The following SCNN1D variants were observed in gnomAD, a reference collection of about 807,000 sequenced individuals.
SCNN1D encodes the protein epithelial sodium channel subunit delta.
In SCNN1D, 104 loss-of-function variants were observed where a neutral mutation model predicts 87.8. That is an observed-to-expected ratio of 1.18 (90% CI 1.01 to 1.39). The LOEUF (loss-of-function observed/expected upper bound fraction) is 1.39. Ranked by LOEUF, SCNN1D falls within the 40% of genes most tolerant of loss-of-function variation. The pLI, the probability that SCNN1D is intolerant of heterozygous loss-of-function variation, is 0.00. For synonymous variants in SCNN1D, 628 were observed against 481.2 expected, an observed-to-expected ratio of 1.31 and a Z score of -3.99; for missense variants, 1,324 against 1,093.9, an observed-to-expected ratio of 1.21 and a Z score of -2.97.
intron 6 of SCNN1D, 28 bp downstream of exon 6, chr1:1,285,692 G>A: frequency 6.7e-7 from 1 of 1,486,604 alleles, no homozygotes; most frequent in Non-Finnish European, 9.0e-7. Context: ...TGTTCTCTGA[G>A]TCCTGCTGCC....
intron 4 of SCNN1D, among the ~76,000 whole-genome samples, chr1:1,283,555 T>A (rs974180520): frequency 6.6e-6 from 1 of 152,056 alleles, no homozygotes; most frequent in African/African-American, 2.4e-5. Context: ...AAAATTAGCC[T>A]GGGATGGTGG....
At position 1,291,549 on chromosome 1, in the gene SCNN1D, C is replaced by A. The variant is rs149303666; in HGVS notation, c.2348C>A (p.Ala783Glu). Residue 783 changes from alanine (A) to glutamate (E), a missense_variant, in exon 18 of 18, where the codon GCG becomes GAG. Coordinates refer to ENST00000379116, the MANE Select transcript of SCNN1D (RefSeq NM_001130413.4). The stretch of plus-strand genomic sequence containing the variant: ...CGGGTGATGCTTCCAGGGGTTCTGG[C>A]GGGAGTCTCAGCCGAAGAGAGCTGG... ...LPRVMLPGVL[A>E]GVSAEESWAG... 41 of 1,592,882 alleles carry A rather than the reference C, an allele frequency of 2.6e-5. No homozygotes were observed. In the South Asian group the frequency reaches 4.4e-4, roughly 17 times the overall value.
At position 1,280,548 on chromosome 1, in the gene SCNN1D, A is replaced by C. The variant is rs1007474978; in HGVS notation, c.-114A>C. 10 of 660,826 alleles carry C rather than the reference A, an allele frequency of 1.5e-5. No individual in the cohort carries two copies. The highest frequency in any genetic ancestry group is 2.5e-5 in the Non-Finnish European group (9 of 355,336). The allele number at this position is 660,826 out of a possible 1,614,324, so 40.9% of individuals were successfully genotyped here. A position where few individuals can be genotyped will look rare whatever the true frequency, so the allele number is the denominator to read the frequency against. ...GTTGTGCAGATGAAGGTCTTATCGC[A>C]GATGAAGCCACCAGGTCACAAGCCT... is the stretch of plus-strand genomic sequence containing the variant. On this transcript the variant is annotated 5_prime_UTR_variant, in exon 1 of 18. Coordinates refer to ENST00000379116, the MANE Select transcript of SCNN1D (RefSeq NM_001130413.4).
At chr1:1,291,011 C>T in intron 16 of SCNN1D, 54 bp from the exon 17 acceptor site, 2 of 1,597,064 alleles carry the variant, frequency 1.3e-6, no homozygotes, top group Non-Finnish European at 1.7e-6. Flanking sequence ...TCAAAGCCCC[C>T]CTCCCCATCA....
chr1:1,282,838 C>T (rs1470673959), intron 4 of SCNN1D, among the ~76,000 whole-genome samples: 12 of 151,940 alleles, frequency 7.9e-5, no homozygotes, highest in East Asian at 1.9e-4. Context: ...CTGCAAGCTC[C>T]GCCTCCTGGG....
chr1:1,291,329 C>T lies in SCNN1D; in HGVS notation c.2128C>T (p.Leu710Phe), dbSNP rs1230660929. The stretch of plus-strand genomic sequence containing the variant: ...GGCCTCCGTCCTCTCCCTCCTGGAG[C>T]TCCTGGAGCTGCTGCTCGATGCTTC... ...FGASVLSLLE[L>F]LELLLDASAL... Residue 710 changes from leucine (L) to phenylalanine (F), a missense_variant, in exon 18 of 18, where the codon CTC (leucine) becomes TTC (phenylalanine). Coordinates refer to ENST00000379116, the MANE Select transcript of SCNN1D (RefSeq NM_001130413.4). 8.1e-6 allele frequency: 13 copies of T among 1,600,962 alleles called. No individual in the cohort carries two copies. The Admixed American group carries it at 1.4e-4, about 17-fold the overall frequency.
chr1:1,290,850 G>T, intron 15 of SCNN1D, 45 bp from the exon 16 acceptor site: 2 of 1,600,212 alleles, frequency 1.2e-6, no homozygotes, highest in Non-Finnish European at 8.5e-7. Context: ...CAGGATGGCC[G>T]GGGGCATGGG....
chr1:1,287,315 G>A lies in SCNN1D; in HGVS notation c.1310+16G>A, dbSNP rs910556. On this transcript the variant is annotated intron_variant, in intron 9 of 17. Coordinates refer to ENST00000379116, the MANE Select transcript of SCNN1D (RefSeq NM_001130413.4). The stretch of plus-strand genomic sequence containing the variant: ...GCCAGGCCCGGTGAGTGTGGCGGGC[G>A]GGGGCCACTCCTTCCGTCCCACCCC... 51 of 1,557,788 alleles carry A rather than the reference G, an allele frequency of 3.3e-5. No individual in the cohort carries two copies. The highest frequency in any genetic ancestry group is 3.8e-5 in the Non-Finnish European group (44 of 1,150,288).
At chr1:1,290,720 G>T in intron 15 of SCNN1D, 26 bp downstream of exon 15, 2 of 1,611,998 alleles carry the variant, frequency 1.2e-6, no homozygotes, top group Non-Finnish European at 1.7e-6. Context: ...GGTGGGGTGG[G>T]GGTGTGGACA....
chr1:1,284,588 C>T (rs1471598965), intron 5 of SCNN1D, among the ~76,000 whole-genome samples: 6 of 147,368 alleles, frequency 4.1e-5, no homozygotes, highest in Non-Finnish European at 9.1e-5. Flanking sequence ...GGGTGCCGAG[C>T]GTGTGCTGGA....
At chr1:1,284,603 G>GGGGGGTGCCGAGCGTGTGCTGGACCACT (rs1557580758) in intron 5 of SCNN1D, among the ~76,000 whole-genome samples, 1 of 146,562 alleles carries the variant, frequency 6.8e-6, no homozygotes, top group African/African-American at 2.6e-5. Context: ...GCTGGACCAC[G>GGGGGGTGCCGAGCGTGTGCTGGACCACT]GGGGGTGCCG....
Position 1,285,603 on chromosome 1 carries a change from G to A in SCNN1D, c.497G>A (p.Cys166Tyr), listed in dbSNP as rs1243090173. 1 of 1,545,266 alleles carries A rather than the reference G, an allele frequency of 6.5e-7. No individual in the cohort carries two copies. The highest frequency in any genetic ancestry group is 2.5e-5 in the East Asian group (1 of 40,808). Residue 166 changes from cysteine (C) to tyrosine (Y), a missense_variant, in exon 6 of 18, where the codon TGC (cysteine) becomes TAC (tyrosine). Physicochemically the swap from Cys to Tyr is radical, Grantham distance 194. Coordinates refer to ENST00000379116, the MANE Select transcript of SCNN1D (RefSeq NM_001130413.4). The stretch of plus-strand genomic sequence containing the variant: ...GGGCCTGTGGCTCCCCAGAGGCCCT[G>A]CCACCTGAAGGGATGGCAGCACAGA... ...SPGPVAPQRP[C>Y]HLKGWQHRPT...
At chr1:1,291,171 CG>C (rs1640801528) in intron 17 of SCNN1D, 31 bp downstream of exon 17, 3 of 1,603,214 alleles carry the variant, frequency 1.9e-6, no homozygotes, top group African/African-American at 2.7e-5. Context: ...TGGGCTAGAG[CG>C]GGGGCAGCGA....
chr1:1,281,454 C>G lies in SCNN1D; in HGVS notation c.121C>G (p.Arg41Gly). The stretch of plus-strand genomic sequence containing the variant: ...CAGTGACCACAGGACCCCCACATGC[C>G]GGGAGCTGGGTTCGCCCCACCCCAC... ...WCSDHRTPTC[R>G]ELGSPHPTPC... is the part of the protein sequence containing the mutation. The change falls in exon 3 of 18, where the codon CGG becomes GGG. Residue 41 changes from arginine (R) to glycine (G), a missense_variant. Transcript: ENST00000379116. The G allele has an allele frequency of 6.6e-7, 1 of 1,519,716 alleles. No individual in the cohort carries two copies. Among genetic ancestry groups the G allele is most frequent in the Non-Finnish European group, 8.8e-7 (1 of 1,138,054 alleles). 94.1% of individuals were successfully genotyped at this position (1,519,716 alleles called of 1,614,324 possible).
At position 1,291,047 on chromosome 1, in the gene SCNN1D, G is replaced by T; in HGVS notation, c.1977-18G>T. 6.2e-7 allele frequency: 1 copy of T among 1,609,820 alleles called. No individual in the cohort carries two copies. Among genetic ancestry groups the T allele is most frequent in the Non-Finnish European group, 8.5e-7 (1 of 1,178,606 alleles). ...TGAAGGTCTGGGCCAGCGCCCTCAT[G>T]CCTCTATCCTGCCCCAGGAGCAGCC... is the stretch of plus-strand genomic sequence containing the variant. On this transcript the variant is annotated intron_variant, in intron 16 of 17. Coordinates refer to ENST00000379116, the MANE Select transcript of SCNN1D (RefSeq NM_001130413.4).
At chr1:1,281,678 G>T (rs3753340) in intron 3 of SCNN1D, 68 bp downstream of exon 3, 4 of 1,402,516 alleles carry the variant, frequency 2.9e-6, no homozygotes, top group Middle Eastern at 1.8e-4. Context: ...CGGGAGCTGC[G>T]TGATCCAGCC....
chr1:1,287,729 C>T lies in SCNN1D; in HGVS notation c.1456C>T (p.Leu486=), dbSNP rs368507454. ...GCCTCACCTCCCTCTGCTGTCCACG[C>T]TGGCCGGCATCAGGGTCATGGTTCA... is the stretch of plus-strand genomic sequence containing the variant. ...QQPHLPLLST[L]AGIRVMVHGR... Residue 486 remains leucine, a synonymous_variant, in exon 11 of 18, where the codon CTG becomes TTG. Coordinates refer to ENST00000379116, the MANE Select transcript of SCNN1D (RefSeq NM_001130413.4). 6.1e-5 allele frequency: 98 copies of T among 1,609,130 alleles called. No homozygotes were observed. Among genetic ancestry groups the T allele is most frequent in the Middle Eastern group, 3.3e-4 (2 of 6,074 alleles).
Position 1,290,803 on chromosome 1 carries a change from C to G in SCNN1D, c.1918-92C>G, listed in dbSNP as rs575912421. On this transcript the variant is annotated intron_variant, in intron 15 of 17. Coordinates refer to ENST00000379116, the MANE Select transcript of SCNN1D (RefSeq NM_001130413.4). ...AGGGCCGGAACTGACCCAGCCTATG[C>G]CCCGTGGTCTCTGCCCCCACATCCG... The G allele has an allele frequency of 2.2e-5, 34 of 1,574,484 alleles. No individual in the cohort carries two copies. In the African/African-American group the frequency reaches 4.2e-4, roughly 19 times the overall value.
Position 1,283,978 on chromosome 1 carries a change from G to C in SCNN1D, c.352G>C (p.Glu118Gln). ...VAAASFQSRQ[E>Q]ARGSILLQSC... ...CGCCCAGCCAGCCTGTTTTAAATAG[G>C]AGGCCAGAGGCTCCATCCTGCTTCA... Residue 118 changes from glutamate (E) to glutamine (Q), a missense_variant and splice_region_variant, in exon 5 of 18, where the codon GAG becomes CAG. Physicochemically the swap from Glu to Gln is conservative, Grantham distance 29. Transcript: ENST00000379116. 6.9e-7 allele frequency: 1 copy of C among 1,456,208 alleles called. No homozygotes were observed. The highest frequency in any genetic ancestry group is 9.0e-7 in the Non-Finnish European group (1 of 1,106,934). The allele number at this position is 1,456,208 out of a possible 1,614,324, so 90.2% of individuals were successfully genotyped here.
Sources: allele counts gnomAD v4.1 joint callset (sites outside exome capture counted in the v4.1 genomes callset), GRCh38; gene constraint gnomAD v4.1.1; transcripts MANE v1.5; gene names NCBI Gene and HGNC (gene_info 2026-07-23, HGNC 2026-07-21).